RFX8: variants seen among roughly 807,000 people sequenced by gnomAD.
RFX8 encodes the protein regulatory factor X8, also known as DNA-binding protein RFX8.
A neutral mutation model predicts 54.6 loss-of-function variants in RFX8; 46 were observed. That is an observed-to-expected ratio of 0.84 (90% CI 0.67 to 1.08). The LOEUF (loss-of-function observed/expected upper bound fraction) is 1.08. Among genes scored for constraint, RFX8 ranks in the 50% least tolerant of loss-of-function variants. The pLI is 0.00. For missense variants in RFX8, 536 were observed against 562.3 expected, an observed-to-expected ratio of 0.95 and a Z score of 0.47; for synonymous variants, 192 against 209.5, an observed-to-expected ratio of 0.92 and a Z score of 0.72.
intron 4 of RFX8, 29 bp downstream of exon 4, chr2:101,421,695 C>T: frequency 1.9e-6 from 3 of 1,543,224 alleles, no homozygotes; most frequent in Non-Finnish European, 2.6e-6. Flanking sequence ...TAGATAAAAC[C>T]CTACCCTCTC....
At chr2:101,455,546 G>A (rs180768401) in intron 2 of RFX8, among the ~76,000 whole-genome samples, 2 of 152,266 alleles carry the variant, frequency 1.3e-5, no homozygotes, top group Non-Finnish European at 2.9e-5. Flanking sequence ...TGTTATTTCT[G>A]AGGCCTCTGT....
At chr2:101,459,375 G>T (rs1199285284) in intron 2 of RFX8, among the ~76,000 whole-genome samples, 1 of 152,072 alleles carries the variant, frequency 6.6e-6, no homozygotes, top group Non-Finnish European at 1.5e-5. Context: ...CTTTGATGTT[G>T]GTGACCTACA....
At chr2:101,399,624 A>T (rs564719349) in intron 11 of RFX8, among the ~76,000 whole-genome samples, 1 of 152,326 alleles carries the variant, frequency 6.6e-6, no homozygotes, top group Non-Finnish European at 1.5e-5. Flanking sequence ...AGAAATAATA[A>T]CGATGACCAG....
At chr2:101,419,884 G>A (rs1686761854) in intron 4 of RFX8, among the ~76,000 whole-genome samples, 2 of 152,168 alleles carry the variant, frequency 1.3e-5, no homozygotes, top group South Asian at 4.1e-4. Flanking sequence ...TGGGAACCTC[G>A]GAGCAAGGAG....
chr2:101,457,990 T>C (rs1473332765), intron 2 of RFX8, among the ~76,000 whole-genome samples: 1 of 152,224 alleles, frequency 6.6e-6, no homozygotes, highest in East Asian at 1.9e-4. Context: ...TTTTGATCTT[T>C]GTTGGTTTAA....
chr2:101,455,012 TCTTTTTTC>T (rs1168186608), intron 2 of RFX8, among the ~76,000 whole-genome samples: 4 of 131,638 alleles, frequency 3.0e-5, no homozygotes, highest in African/African-American at 1.2e-4. Flanking sequence ...GTTTTCTTTT[TCTTTTTTC>T]TTTTTTTTTT....
intron 5 of RFX8, 25 bp from the exon 6 acceptor site, chr2:101,417,709 A>G (rs1295660301): frequency 3.9e-6 from 6 of 1,532,102 alleles, no homozygotes; most frequent in South Asian, 1.2e-5. Flanking sequence ...ACAAGACACT[A>G]TGATTCTGCT....
At chr2:101,454,737 TG>T (rs1294062409) in intron 2 of RFX8, among the ~76,000 whole-genome samples, 1 of 152,216 alleles carries the variant, frequency 6.6e-6, no homozygotes, top group Non-Finnish European at 1.5e-5. Context: ...CACTTTTTGA[TG>T]GGGTTGTTTG....
chr2:101,415,983 G>A (rs576507963), intron 6 of RFX8, among the ~76,000 whole-genome samples: 98 of 152,342 alleles, frequency 6.4e-4, no homozygotes, highest in African/African-American at 2.3e-3. Flanking sequence ...CCTTTTCTGG[G>A]GACAGCCTGT....
At chr2:101,452,198 G>A (rs912672370) in intron 2 of RFX8, among the ~76,000 whole-genome samples, 8 of 152,158 alleles carry the variant, frequency 5.3e-5, no homozygotes, top group African/African-American at 1.9e-4. Context: ...AGAAAATAGA[G>A]GCCAGTGTTT....
At chr2:101,465,988 T>C (rs1199680217) in intron 2 of RFX8, among the ~76,000 whole-genome samples, 2 of 152,208 alleles carry the variant, frequency 1.3e-5, no homozygotes, top group African/African-American at 4.8e-5. Flanking sequence ...TATTAGAAGA[T>C]TCTGTGATTA....
At chr2:101,450,658 T>C (rs1368738527) in intron 2 of RFX8, 8 of 1,505,280 alleles carry the variant, frequency 5.3e-6, no homozygotes, top group African/African-American at 1.4e-5. Context: ...CTTTTCTTGA[T>C]ACAGATTCCA....
intron 9 of RFX8, among the ~76,000 whole-genome samples, chr2:101,408,276 G>C (rs1685865416): frequency 6.6e-6 from 1 of 152,092 alleles, no homozygotes; most frequent in African/African-American, 2.4e-5. Flanking sequence ...ACGAGGTCAG[G>C]AGATGGAGAC....
At chr2:101,473,752 GA>G (rs1374600133) in intron 1 of RFX8, among the ~76,000 whole-genome samples, 3 of 152,186 alleles carry the variant, frequency 2.0e-5, no homozygotes, top group Non-Finnish European at 4.4e-5. Context: ...TAAATAGCTG[GA>G]AGTGAATTTC....
At chr2:101,428,273 A>G (rs1039000702) in intron 2 of RFX8, among the ~76,000 whole-genome samples, 1 of 152,144 alleles carries the variant, frequency 6.6e-6, no homozygotes, top group African/African-American at 2.4e-5. Flanking sequence ...AAAACCTCTA[A>G]TCCCATGTGA....
intron 1 of RFX8, 28 bp downstream of exon 1, chr2:101,474,608 G>A (rs983378175): frequency 3.9e-6 from 1 of 254,016 alleles, no homozygotes; most frequent in Non-Finnish European, 7.5e-6. Flanking sequence ...CAGTCAAACA[G>A]GGACGCGAAC....
At chr2:101,466,753 C>T (rs776734967) in intron 2 of RFX8, 24 bp downstream of exon 2, 14 of 1,508,174 alleles carry the variant, frequency 9.3e-6, no homozygotes, top group Non-Finnish European at 1.1e-5. Context: ...GTGAATAGAG[C>T]GTTCTTAATC....
At chr2:101,449,994 A>C (rs1024352822) in intron 2 of RFX8, among the ~76,000 whole-genome samples, 1 of 152,128 alleles carries the variant, frequency 6.6e-6, no homozygotes, top group South Asian at 2.1e-4. Flanking sequence ...AGACTCAGCG[A>C]AAAATGGCTT....
At position 101,459,715 on chromosome 2, in the gene RFX8, G is replaced by C. The variant is rs531740929; in HGVS notation, c.72+7062C>G. ...AGGGATCCACTTAAGGAGGCAGTCT[G>C]TCCGTTCTCAGAGCTTGAATGCTGT... On this transcript the variant is annotated intron_variant, in intron 2 of 11. Coordinates refer to ENST00000428343, the MANE Select transcript of RFX8 (RefSeq NM_001145664.2). 2.6e-5 allele frequency among the ~76,000 whole-genome samples: 4 copies of C among 152,300 alleles called. 1 individual carries two copies. The South Asian group carries it at 8.3e-4, about 32-fold the overall frequency.
Sources: allele counts gnomAD v4.1 joint callset (sites outside exome capture counted in the v4.1 genomes callset), GRCh38; gene constraint gnomAD v4.1.1; transcripts MANE v1.5; gene names NCBI Gene and HGNC (gene_info 2026-07-23, HGNC 2026-07-21).